The following GARRE1 variants were observed in gnomAD, a reference collection of about 807,000 sequenced individuals.
GARRE1 encodes the protein granule associated Rac and RHOG effector 1.
GARRE1 carries 49 observed loss-of-function variants against 103.2 expected under a neutral mutation model. That is an observed-to-expected ratio of 0.47 (90% CI 0.38 to 0.60). The LOEUF is 0.60. Ranked by LOEUF, GARRE1 falls within the 20% of genes least tolerant of loss-of-function variation. GARRE1 has a pLI of 0.00. For missense variants in GARRE1, 1,199 were observed against 1,370.5 expected (o/e 0.87, Z 1.98); for synonymous variants, 505 against 532.8 (o/e 0.95, Z 0.72).
intron 3 of GARRE1, among the ~76,000 whole-genome samples, chr19:34,320,548 G>T (rs187596864): frequency 2.8e-4 from 43 of 152,276 alleles, no homozygotes; most frequent in African/African-American, 1.0e-3. Flanking sequence ...AGCGAGGCAG[G>T]CGAGCAGGAG....
intron 1 of GARRE1, among the ~76,000 whole-genome samples, chr19:34,277,027 T>A (rs917892978): frequency 2.0e-5 from 3 of 152,108 alleles, no homozygotes; most frequent in African/African-American, 7.2e-5. Context: ...GTGTAACACT[T>A]GTTTTGAGAG....
chr19:34,308,133 A>G (rs2074019301), intron 2 of GARRE1, among the ~76,000 whole-genome samples: 1 of 151,956 alleles, frequency 6.6e-6, no homozygotes, highest in South Asian at 2.1e-4. Flanking sequence ...TTGGATAGAT[A>G]TATACCAGAA....
At chr19:34,335,510 C>G (rs1331092298) in intron 8 of GARRE1, among the ~76,000 whole-genome samples, 1 of 152,140 alleles carries the variant, frequency 6.6e-6, no homozygotes, top group Non-Finnish European at 1.5e-5. Flanking sequence ...GTAAGGCATA[C>G]AAGTTGTATT....
chr19:34,330,748 T>TG (rs1350990160), intron 7 of GARRE1, among the ~76,000 whole-genome samples: 2,268 of 128,160 alleles, frequency 0.018, 23 homozygotes, highest in Admixed American at 0.044. Flanking sequence ...TTTTTTTTTT[T>TG]TGTGTGTGTG....
At chr19:34,324,589 CCTCCTCGG>C (rs1300284534) in intron 3 of GARRE1, among the ~76,000 whole-genome samples, 4 of 151,484 alleles carry the variant, frequency 2.6e-5, no homozygotes, top group Non-Finnish European at 5.9e-5. Context: ...GCAATCTTGA[CCTCCTCGG>C]CTCAAGCAAT....
intron 12 of GARRE1, among the ~76,000 whole-genome samples, chr19:34,349,733 G>A (rs1599785072): frequency 1.3e-5 from 2 of 152,318 alleles, no homozygotes; most frequent in South Asian, 4.2e-4. Flanking sequence ...GGCACGCAGG[G>A]CTCCCAGGCA....
At chr19:34,296,311 T>TG in intron 1 of GARRE1, 1 of 798,214 alleles carries the variant, frequency 1.3e-6, no homozygotes, top group Non-Finnish European at 2.1e-6. Flanking sequence ...TGGGCACCTT[T>TG]GGGAGCTTGA....
At position 34,260,007 on chromosome 19, in the gene GARRE1, G is replaced by A. The variant is rs575901838; in HGVS notation, c.-796+5393G>A. Among the ~76,000 whole-genome samples the A allele has an allele frequency of 3.9e-5, 6 of 152,290 alleles. No individual in the cohort carries two copies. The East Asian group carries it at 1.2e-3, about 29-fold the overall frequency. On this transcript the variant is annotated intron_variant, in intron 1 of 13. Coordinates refer to ENST00000299505, the MANE Select transcript of GARRE1 (RefSeq NM_014686.5). Reference sequence around the variant, plus strand: ...TGAATATGTTTTCTGAGGCCTCCCAGCCCTGGGGAACTGTGAATCAATTAA... The same window carrying A: ...TGAATATGTTTTCTGAGGCCTCCCAACCCTGGGGAACTGTGAATCAATTAA...
chr19:34,320,641 GT>G (rs950789746), intron 3 of GARRE1, among the ~76,000 whole-genome samples: 1 of 151,982 alleles, frequency 6.6e-6, no homozygotes, highest in Middle Eastern at 3.2e-3. Context: ...GGAATTTTGT[GT>G]TTTTTGTTAG....
At chr19:34,271,662 C>A (rs987593634) in intron 1 of GARRE1, among the ~76,000 whole-genome samples, 18 of 151,916 alleles carry the variant, frequency 1.2e-4, no homozygotes, top group African/African-American at 4.4e-4. Context: ...GAGTTTGAGA[C>A]CAGCCTGGGC....
chr19:34,296,388 C>T, intron 1 of GARRE1: 1 of 1,487,116 alleles, frequency 6.7e-7, no homozygotes, highest in South Asian at 1.1e-5. Flanking sequence ...CTTTAGCCGG[C>T]ACAGCCTGAG....
chr19:34,338,263 A>C (rs1462944345), intron 8 of GARRE1, among the ~76,000 whole-genome samples: 1 of 152,128 alleles, frequency 6.6e-6, no homozygotes, highest in Non-Finnish European at 1.5e-5. Flanking sequence ...TGGCCAGACC[A>C]AGTGGCTCAC....
At chr19:34,340,371 G>T (rs1205983727) in intron 9 of GARRE1, among the ~76,000 whole-genome samples, 1 of 152,108 alleles carries the variant, frequency 6.6e-6, no homozygotes, top group African/African-American at 2.4e-5. Context: ...AGTTCTCTCA[G>T]GTTGAACTTG....
Position 34,300,415 on chromosome 19 carries a change from A to C in GARRE1, c.-59A>C. On this transcript the variant is annotated 5_prime_UTR_variant, in exon 2 of 14. Coordinates refer to ENST00000299505, the MANE Select transcript of GARRE1 (RefSeq NM_014686.5). ...ATTTTTATACCTAGCTACAGTTTTG[A>C]GAAAGAAGAATCAGAACCCTGACCC... The C allele has an allele frequency of 6.7e-7, 1 of 1,502,678 alleles. No homozygotes were observed. Among genetic ancestry groups the C allele is most frequent in the Non-Finnish European group, 8.9e-7 (1 of 1,124,636 alleles). 93.1% of individuals were successfully genotyped at this position (1,502,678 alleles called of 1,614,324 possible).
intron 2 of GARRE1, among the ~76,000 whole-genome samples, chr19:34,307,107 C>CAT (rs761671639): frequency 3.3e-5 from 5 of 152,072 alleles, no homozygotes; most frequent in Non-Finnish European, 7.3e-5. Context: ...GTGGCTAAAA[C>CAT]AGAGTGAATG....
chr19:34,277,726 C>T (rs79554059), intron 1 of GARRE1, among the ~76,000 whole-genome samples: 1,966 of 152,176 alleles, frequency 0.013, 104 homozygotes, highest in Admixed American at 0.093. Context: ...ATCATTTTAA[C>T]AGTGATTAAT....
chr19:34,294,269 A>AT (rs1379802708), intron 1 of GARRE1, among the ~76,000 whole-genome samples: 1 of 151,108 alleles, frequency 6.6e-6, no homozygotes, highest in Non-Finnish European at 1.5e-5. Flanking sequence ...AAAAAAAAAA[A>AT]GAAAATTAGG....
chr19:34,347,876 G>A lies in GARRE1; in HGVS notation c.2522-1G>A. 1 of 1,541,680 alleles carries A rather than the reference G, an allele frequency of 6.5e-7. No individual in the cohort carries two copies. Among genetic ancestry groups the A allele is most frequent in the Non-Finnish European group, 8.8e-7 (1 of 1,139,028 alleles). On this transcript the variant is annotated splice_acceptor_variant, in intron 10 of 13. Transcript: ENST00000299505. LOFTEE classifies it high-confidence loss of function. The stretch of plus-strand genomic sequence containing the variant: ...CGGTTTATTCCTTTGTCCCAATGCA[G>A]TGGGCTCAGACCCAGAGTTTGCACG...
intron 1 of GARRE1, among the ~76,000 whole-genome samples, chr19:34,296,926 A>C (rs1254426823): frequency 6.6e-6 from 1 of 152,158 alleles, no homozygotes. Flanking sequence ...GACAGCAGGC[A>C]TGCACTACCA....
Sources: allele counts gnomAD v4.1 joint callset (sites outside exome capture counted in the v4.1 genomes callset), GRCh38; gene constraint gnomAD v4.1.1; transcripts MANE v1.5; gene names NCBI Gene and HGNC (gene_info 2026-07-23, HGNC 2026-07-21).